The following RPS6KC1 variants were observed in gnomAD, a reference collection of about 807,000 sequenced individuals.
The protein encoded by RPS6KC1 is inactive ribosomal protein S6 kinase delta-1.
In RPS6KC1, 54 loss-of-function variants were observed where a neutral mutation model predicts 103.8. The observed-to-expected ratio is 0.52, with a 90% confidence interval of 0.42 to 0.65. The LOEUF is 0.65. Among genes scored for constraint, RPS6KC1 ranks in the 30% least tolerant of loss-of-function variants. RPS6KC1 has a pLI of 0.00. For missense variants in RPS6KC1, 1,151 were observed against 1,253.8 expected (o/e 0.92, Z 1.24); for synonymous variants, 439 against 438.7 (o/e 1.00, Z -0.01).
the RPS6KC1 span, among the ~76,000 whole-genome samples, chr1:213,659,091 A>G: frequency 6.6e-6 from 1 of 151,920 alleles, no homozygotes; most frequent in Non-Finnish European, 1.5e-5. Flanking sequence ...CAGCCTCTCA[A>G]GTAGCTGGGA....
chr1:213,759,639 C>A, the RPS6KC1 span, among the ~76,000 whole-genome samples: 1 of 152,196 alleles, frequency 6.6e-6, no homozygotes, highest in Non-Finnish European at 1.5e-5. Flanking sequence ...CTGTCCTCAG[C>A]CCCCAGTACT....
At chr1:213,637,603 G>A in the RPS6KC1 span, among the ~76,000 whole-genome samples, 3 of 151,998 alleles carry the variant, frequency 2.0e-5, no homozygotes, top group Non-Finnish European at 4.4e-5. Context: ...GGTAGAGCAG[G>A]ATTACTGGTT....
chr1:213,235,816 A>T (rs1449621049), intron 10 of RPS6KC1, among the ~76,000 whole-genome samples: 1 of 152,164 alleles, frequency 6.6e-6, no homozygotes, highest in Non-Finnish European at 1.5e-5. Flanking sequence ...CAAAGGAGTG[A>T]TGAGATAGGG....
chr1:213,716,832 A>G, the RPS6KC1 span, among the ~76,000 whole-genome samples: 1 of 152,302 alleles, frequency 6.6e-6, no homozygotes, highest in African/African-American at 2.4e-5. Flanking sequence ...TGCTTATTAA[A>G]CGTCTGGCTA....
the RPS6KC1 span, among the ~76,000 whole-genome samples, chr1:213,655,491 C>T: frequency 1.3e-5 from 2 of 152,214 alleles, no homozygotes; most frequent in East Asian, 1.9e-4. Flanking sequence ...CTCCTTCATC[C>T]ATTATCCCCT....
the RPS6KC1 span, among the ~76,000 whole-genome samples, chr1:213,393,535 A>G: frequency 6.6e-6 from 1 of 152,214 alleles, no homozygotes; most frequent in East Asian, 1.9e-4. Context: ...AAAAAGACCA[A>G]CTATCTTTTT....
chr1:213,459,503 A>G, the RPS6KC1 span, among the ~76,000 whole-genome samples: 1 of 151,908 alleles, frequency 6.6e-6, no homozygotes, highest in African/African-American at 2.4e-5. Context: ...TAGTTTGGCT[A>G]GAGGTCTACT....
At chr1:213,850,788 T>C in the RPS6KC1 span, among the ~76,000 whole-genome samples, 1 of 124,832 alleles carries the variant, frequency 8.0e-6, no homozygotes, top group East Asian at 2.7e-4. Flanking sequence ...AATGCTTAGC[T>C]TACTTGGCTT....
the RPS6KC1 span, among the ~76,000 whole-genome samples, chr1:213,303,767 TAAC>T: frequency 6.6e-6 from 1 of 152,150 alleles, no homozygotes; most frequent in East Asian, 1.9e-4. Flanking sequence ...ATAAATAATT[TAAC>T]AACAAGGCTC....
the RPS6KC1 span, among the ~76,000 whole-genome samples, chr1:213,332,004 A>G: frequency 6.6e-6 from 1 of 151,524 alleles, no homozygotes; most frequent in African/African-American, 2.4e-5. Flanking sequence ...TTATTTTGGT[A>G]ACTATCTGGG....
At chr1:213,303,849 T>A in the RPS6KC1 span, among the ~76,000 whole-genome samples, 1 of 152,058 alleles carries the variant, frequency 6.6e-6, no homozygotes, top group African/African-American at 2.4e-5. Flanking sequence ...AAATAAAACA[T>A]CCCCTCAATA....
At chr1:213,302,345 A>G in the RPS6KC1 span, among the ~76,000 whole-genome samples, 1 of 152,152 alleles carries the variant, frequency 6.6e-6, no homozygotes, top group Non-Finnish European at 1.5e-5. Context: ...CTAGAATCTC[A>G]GGAGTGAAAG....
the RPS6KC1 span, among the ~76,000 whole-genome samples, chr1:213,637,947 G>T: frequency 1.3e-5 from 2 of 151,950 alleles, no homozygotes; most frequent in African/African-American, 4.8e-5. Flanking sequence ...CTCCCAAGTA[G>T]CTGGGACTAT....
intron 6 of RPS6KC1, among the ~76,000 whole-genome samples, chr1:213,145,734 G>A (rs2087682711): frequency 6.6e-6 from 1 of 151,782 alleles, no homozygotes; most frequent in South Asian, 2.1e-4. Context: ...TCAATTTTTT[G>A]GTAGGTACAT....
chr1:213,771,363 G>C, the RPS6KC1 span, among the ~76,000 whole-genome samples: 2 of 152,272 alleles, frequency 1.3e-5, no homozygotes, highest in South Asian at 4.2e-4. Context: ...GGTAGGAAAC[G>C]GATGACAGAA....
chr1:213,109,119 C>G (rs1324388550), intron 4 of RPS6KC1, among the ~76,000 whole-genome samples: 2 of 151,926 alleles, frequency 1.3e-5, no homozygotes, highest in Non-Finnish European at 2.9e-5. Context: ...AATGAAATGA[C>G]TCTATATTTA....
chr1:213,599,469 AG>A, the RPS6KC1 span, among the ~76,000 whole-genome samples: 17 of 150,194 alleles, frequency 1.1e-4, no homozygotes, highest in Non-Finnish European at 2.1e-4. Context: ...TGGTAGAACG[AG>A]GGGGGGAAAA....
At chr1:213,477,430 A>G in the RPS6KC1 span, among the ~76,000 whole-genome samples, 1 of 151,174 alleles carries the variant, frequency 6.6e-6, no homozygotes, top group Non-Finnish European at 1.5e-5. Context: ...TCTTCTTAGC[A>G]TTTTGTTATA....
chr1:213,644,279 C>T, the RPS6KC1 span, among the ~76,000 whole-genome samples: 2 of 151,980 alleles, frequency 1.3e-5, no homozygotes, highest in East Asian at 1.9e-4. Context: ...CAATATTCCC[C>T]CTATTCTCAC....
Sources: allele counts gnomAD v4.1 joint callset (sites outside exome capture counted in the v4.1 genomes callset), GRCh38; gene constraint gnomAD v4.1.1; transcripts MANE v1.5; gene names NCBI Gene and HGNC (gene_info 2026-07-23, HGNC 2026-07-21).